AUTS2: variants seen among roughly 807,000 people sequenced by gnomAD.
The protein encoded by AUTS2 is activator of transcription and developmental regulator AUTS2, also known as autism susceptibility gene 2 protein.
Under a neutral mutation model 112.4 loss-of-function variants are expected in AUTS2, and 17 were observed. The ratio of observed to expected loss-of-function variants is 0.15; its 90% CI spans 0.10 to 0.23. The LOEUF (loss-of-function observed/expected upper bound fraction) is 0.23. Among genes scored for constraint, AUTS2 ranks in the 10% least tolerant of loss-of-function variants. AUTS2 has a pLI of 1.00. For synonymous variants in AUTS2, 751 were observed against 702.7 expected (o/e 1.07, Z -1.09); for missense variants, 1,510 against 1,701.6 (o/e 0.89, Z 1.98).
chr7:69,740,337 G>A (rs757931141), intron 1 of AUTS2, among the ~76,000 whole-genome samples: 6 of 152,164 alleles, frequency 3.9e-5, no homozygotes, highest in African/African-American at 1.2e-4. Flanking sequence ...GGCAGCATTT[G>A]GAACTAGTAA....
At chr7:70,028,896 C>T (rs924430113) in intron 2 of AUTS2, among the ~76,000 whole-genome samples, 4 of 152,238 alleles carry the variant, frequency 2.6e-5, no homozygotes, top group East Asian at 1.9e-4. Flanking sequence ...TGAAGATTCA[C>T]GGTCTTCAGC....
At chr7:70,188,516 T>C (rs769399784) in intron 4 of AUTS2, among the ~76,000 whole-genome samples, 7 of 152,274 alleles carry the variant, frequency 4.6e-5, no homozygotes, top group Middle Eastern at 3.4e-3. Flanking sequence ...TGGAAATCCA[T>C]TGGATCATCC....
intron 5 of AUTS2, among the ~76,000 whole-genome samples, chr7:70,629,832 A>T (rs1259336066): frequency 6.6e-6 from 1 of 151,780 alleles, no homozygotes; most frequent in Non-Finnish European, 1.5e-5. Flanking sequence ...CTGATCTCAT[A>T]CTTAAATAAA....
At chr7:70,595,423 T>C (rs895250141) in intron 5 of AUTS2, among the ~76,000 whole-genome samples, 11 of 152,058 alleles carry the variant, frequency 7.2e-5, no homozygotes, top group Non-Finnish European at 1.5e-5. Flanking sequence ...TCTTAATGTA[T>C]ACGATGGAGA....
In AUTS2 at chr7:70,793,441, CTGTTT is replaced by C. The variant is rs1792085577; in HGVS notation, c.*2452_*2456del. 2 of 151,932 alleles carry C rather than the reference CTGTTT, an allele frequency of 1.3e-5. No individual in the cohort carries two copies. Among genetic ancestry groups the C allele is most frequent in the South Asian group, 4.1e-4 (2 of 4,820 alleles). The allele number at this position is 151,932 out of a possible 1,614,324, so 9.4% of individuals were successfully genotyped here. A position where few individuals can be genotyped will look rare whatever the true frequency, so the allele number is the denominator to read the frequency against. On this transcript the variant is annotated 3_prime_UTR_variant, in exon 19 of 19. Coordinates refer to ENST00000342771, the MANE Select transcript of AUTS2 (RefSeq NM_015570.4). Reference sequence around the variant, plus strand: ...TTGCAGTCTCCCTGTCCTCTAAAATCTGTTTTGTTTTTTTCCATGATGTTAAAAAA... The same window carrying C: ...TTGCAGTCTCCCTGTCCTCTAAAATCTGTTTTTTTCCATGATGTTAAAAAA...
chr7:70,679,971 G>A (rs972110914), intron 5 of AUTS2, among the ~76,000 whole-genome samples: 4 of 152,194 alleles, frequency 2.6e-5, no homozygotes, highest in South Asian at 2.1e-4. Context: ...AACTGACAGC[G>A]GCACGGAGCC....
At chr7:70,641,361 A>AGTAG (rs1805819249) in intron 5 of AUTS2, among the ~76,000 whole-genome samples, 1 of 152,122 alleles carries the variant, frequency 6.6e-6, no homozygotes, top group Non-Finnish European at 1.5e-5. Flanking sequence ...CATCCTGGCT[A>AGTAG]ACACGGTGAA....
chr7:70,606,675 A>G (rs1803791488), intron 5 of AUTS2, among the ~76,000 whole-genome samples: 1 of 152,042 alleles, frequency 6.6e-6, no homozygotes, highest in Non-Finnish European at 1.5e-5. Context: ...AGCCTCATCA[A>G]AAGTGGTGAA....
intron 5 of AUTS2, among the ~76,000 whole-genome samples, chr7:70,497,258 TCACA>T (rs148815310): frequency 2.3e-4 from 17 of 75,056 alleles, no homozygotes; most frequent in African/African-American, 4.9e-4. Context: ...ACGTACACAG[TCACA>T]CACACACACA....
intron 1 of AUTS2, among the ~76,000 whole-genome samples, chr7:69,882,150 CAAAAAAAAAA>C (rs57238970): frequency 1.8e-5 from 1 of 57,134 alleles, no homozygotes; most frequent in African/African-American, 6.3e-5. Context: ...AACTCTGTCT[CAAAAAAAAAA>C]AAAAAAAAAA....
intron 5 of AUTS2, among the ~76,000 whole-genome samples, chr7:70,466,780 G>T (rs1006659020): frequency 1.3e-5 from 2 of 152,174 alleles, no homozygotes; most frequent in African/African-American, 4.8e-5. Context: ...GTCTTGAAAA[G>T]ATCAATTGGG....
At chr7:69,700,843 G>C (rs1258348454) in intron 1 of AUTS2, among the ~76,000 whole-genome samples, 1 of 152,200 alleles carries the variant, frequency 6.6e-6, no homozygotes, top group Non-Finnish European at 1.5e-5. Flanking sequence ...CTAATTGAGA[G>C]GATGAGTAGC....
At chr7:70,187,627 A>G (rs1042968316) in intron 4 of AUTS2, among the ~76,000 whole-genome samples, 1 of 152,186 alleles carries the variant, frequency 6.6e-6, no homozygotes, top group Non-Finnish European at 1.5e-5. Flanking sequence ...TACTTTTGGC[A>G]TTATAATCAC....
At chr7:69,980,519 T>C (rs1404668321) in intron 2 of AUTS2, among the ~76,000 whole-genome samples, 3 of 152,294 alleles carry the variant, frequency 2.0e-5, no homozygotes, top group East Asian at 3.9e-4. Context: ...TGTTATTTGG[T>C]AGAATACTGC....
At chr7:70,445,635 C>T (rs552835691) in intron 5 of AUTS2, among the ~76,000 whole-genome samples, 1 of 152,268 alleles carries the variant, frequency 6.6e-6, no homozygotes, top group Non-Finnish European at 1.5e-5. Flanking sequence ...TTAACTCTTA[C>T]AGATGGGTAG....
chr7:70,051,163 A>G (rs1403999704), intron 2 of AUTS2, among the ~76,000 whole-genome samples: 2 of 152,168 alleles, frequency 1.3e-5, no homozygotes, highest in Non-Finnish European at 2.9e-5. Flanking sequence ...CTCATTTTTC[A>G]GACTACTTTG....
At chr7:69,881,090 G>A (rs1311201736) in intron 1 of AUTS2, among the ~76,000 whole-genome samples, 1 of 152,182 alleles carries the variant, frequency 6.6e-6, no homozygotes, top group Non-Finnish European at 1.5e-5. Context: ...TTATGGTTAA[G>A]CAGCTTATGG....
intron 1 of AUTS2, among the ~76,000 whole-genome samples, chr7:69,786,193 C>T (rs1336677297): frequency 2.0e-5 from 3 of 152,010 alleles, no homozygotes; most frequent in Non-Finnish European, 2.9e-5. Flanking sequence ...TGTAAATGCA[C>T]CAATCAGCAC....
chr7:70,485,735 C>G (rs1370863893), intron 5 of AUTS2, among the ~76,000 whole-genome samples: 3 of 152,128 alleles, frequency 2.0e-5, no homozygotes, highest in Non-Finnish European at 4.4e-5. Flanking sequence ...GGATTGGCTC[C>G]CATTAGGGGA....
Sources: gnomAD v4.1 joint callset for allele counts (sites outside exome capture counted in the v4.1 genomes callset) on GRCh38, gnomAD v4.1.1 for gene constraint, MANE v1.5 for transcripts, NCBI Gene and HGNC (gene_info 2026-07-23, HGNC 2026-07-21) for gene names.